Variants in PPM1B observed in about 807,000 individuals in gnomAD.
PPM1B encodes protein phosphatase, Mg2+/Mn2+ dependent 1B, also known as protein phosphatase 1B.
PPM1B carries 22 observed loss-of-function variants against 43.0 expected under a neutral mutation model. The observed-to-expected ratio is 0.51, with a 90% CI of 0.37 to 0.73. The LOEUF (loss-of-function observed/expected upper bound fraction) is 0.73. Ranked by LOEUF, PPM1B falls within the 30% of genes least tolerant of loss-of-function variation. The probability of loss-of-function intolerance (pLI) is 0.00; values close to 1 mark genes in which losing one functional copy is unlikely to be tolerated. For missense variants in PPM1B, 632 were observed against 584.2 expected (o/e 1.08, Z -0.84); for synonymous variants, 217 against 197.9 (o/e 1.10, Z -0.81).
chr2:44,197,735 G>A (rs1668730330), intron 1 of PPM1B, among the ~76,000 whole-genome samples: 1 of 152,152 alleles, frequency 6.6e-6, no homozygotes, highest in Non-Finnish European at 1.5e-5. Context: ...CCACTTAGTT[G>A]TGTTGTCTGG....
intron 1 of PPM1B, among the ~76,000 whole-genome samples, chr2:44,180,798 A>C (rs1194950844): frequency 6.6e-6 from 1 of 151,886 alleles, no homozygotes; most frequent in Non-Finnish European, 1.5e-5. Flanking sequence ...TTAAGTTAAC[A>C]CATATTTTAT....
chr2:44,220,812 G>A lies in PPM1B; in HGVS notation c.1134+2275G>A, dbSNP rs562667816. Among the ~76,000 whole-genome samples the A allele has an allele frequency of 2.6e-5, 4 of 152,336 alleles. No individual in the cohort carries two copies. In the South Asian group the frequency reaches 8.3e-4, roughly 32 times the overall value. On this transcript the variant is annotated intron_variant, in intron 5 of 5. Coordinates refer to ENST00000282412, the MANE Select transcript of PPM1B (RefSeq NM_002706.6). ...AAGCAGGGGGAAAGTCAGCTTCTTA[G>A]AGAAAAGATAGTATTTGAAGAATGA...
At chr2:44,182,200 C>T (rs1302536676) in intron 1 of PPM1B, among the ~76,000 whole-genome samples, 1 of 152,094 alleles carries the variant, frequency 6.6e-6, no homozygotes, top group African/African-American at 2.4e-5. Flanking sequence ...GAAACATTCT[C>T]TATGGACGAT....
rs751508262 is a variant in PPM1B, at chr2:44,202,054, AC to A, written c.846+10del. The A allele has an allele frequency of 2.7e-6, 4 of 1,504,524 alleles. No homozygotes were observed. The African/African-American group carries it at 5.6e-5, about 21-fold the overall frequency. 93.2% of individuals were successfully genotyped at this position (1,504,524 alleles called of 1,614,324 possible). A position where few individuals can be genotyped will look rare whatever the true frequency, so the allele number is the denominator to read the frequency against. ...ACACTTGTTTACACAAGGTATGTAA[AC>A]TTTTTTGTCATTAAAATAACATGTT... On this transcript the variant is annotated intron_variant, in intron 2 of 5. Coordinates refer to ENST00000282412, the MANE Select transcript of PPM1B (RefSeq NM_002706.6).
intron 2 of PPM1B, among the ~76,000 whole-genome samples, chr2:44,208,174 C>T (rs1260366895): frequency 6.6e-6 from 1 of 152,008 alleles, no homozygotes; most frequent in Admixed American, 6.6e-5. Context: ...AGGCGTGAGC[C>T]ACCGTGCCCA....
intron 5 of PPM1B, among the ~76,000 whole-genome samples, chr2:44,227,213 G>C (rs1337946452): frequency 6.6e-6 from 1 of 152,088 alleles, no homozygotes; most frequent in Non-Finnish European, 1.5e-5. Context: ...GGGCTCAAGT[G>C]ATCCTTTGAC....
intron 5 of PPM1B, among the ~76,000 whole-genome samples, chr2:44,224,057 T>C (rs1465138828): frequency 6.6e-6 from 1 of 152,124 alleles, no homozygotes; most frequent in Non-Finnish European, 1.5e-5. Context: ...GGAGAATTTT[T>C]AGTTTAAAAA....
chr2:44,225,121 G>A (rs1449342051), intron 5 of PPM1B, among the ~76,000 whole-genome samples: 2 of 152,102 alleles, frequency 1.3e-5, no homozygotes, highest in Non-Finnish European at 2.9e-5. Flanking sequence ...ATGATAACTG[G>A]AATCCTTACT....
chr2:44,208,701 G>A (rs957815064), intron 2 of PPM1B, among the ~76,000 whole-genome samples: 2 of 152,184 alleles, frequency 1.3e-5, no homozygotes, highest in African/African-American at 4.8e-5. Flanking sequence ...CAACAAGAGC[G>A]AAACTTTGTC....
downstream of PPM1B, among the ~76,000 whole-genome samples, chr2:44,239,179 CAAAAAA>C (rs1193340508): frequency 7.8e-5 from 7 of 89,634 alleles, no homozygotes; most frequent in South Asian, 1.2e-3. Flanking sequence ...GTCTCTAATA[CAAAAAA>C]AAAAAAAAAA....
chr2:44,211,997 G>A (rs1250391891), intron 3 of PPM1B, among the ~76,000 whole-genome samples: 2 of 152,068 alleles, frequency 1.3e-5, no homozygotes, highest in South Asian at 2.1e-4. Context: ...TGATCCGCCC[G>A]CCTTGGCCTC....
At chr2:44,229,321 T>C (rs1670366767) in intron 5 of PPM1B, among the ~76,000 whole-genome samples, 2 of 152,212 alleles carry the variant, frequency 1.3e-5, no homozygotes. Flanking sequence ...TTGTATAATA[T>C]TGAATATCAA....
At chr2:44,244,221 C>G (rs759909225) in intron 5 of PPM1B, 1 of 1,274,706 alleles carries the variant, frequency 7.8e-7, no homozygotes, top group Non-Finnish European at 1.0e-6. Flanking sequence ...TCTATCATAT[C>G]CACCAGATGG....
At chr2:44,212,918 C>T (rs1474241979) in intron 3 of PPM1B, among the ~76,000 whole-genome samples, 1 of 149,622 alleles carries the variant, frequency 6.7e-6, no homozygotes, top group Admixed American at 6.8e-5. Context: ...GAGGCTGAGG[C>T]AGGAGAATGG....
intron 2 of PPM1B, among the ~76,000 whole-genome samples, chr2:44,207,701 G>A (rs148927101): frequency 1.6e-3 from 239 of 151,550 alleles, no homozygotes; most frequent in African/African-American, 5.6e-3. Context: ...TTAGCCTCCC[G>A]AGTAGCTGGG....
rs146623821 is a variant in PPM1B, at chr2:44,220,263, C to CATATATATATAT, written c.1134+1734_1134+1745dup. Among the ~76,000 whole-genome samples the CATATATATATAT allele has an allele frequency of 3.7e-3, 551 of 146,958 alleles. 2 individuals are homozygous for CATATATATATAT. The highest frequency in any genetic ancestry group is 0.013 in the African/African-American group (530 of 40,172). ...CCCTCATGTGTAATCTTTAAAAATACATATATATATATATATATACCTTGC... is the reference window on the plus strand; with the variant it reads ...CCCTCATGTGTAATCTTTAAAAATACATATATATATATATATATATATATATATATACCTTGC... On this transcript the variant is annotated intron_variant, in intron 5 of 5. Coordinates refer to ENST00000282412, the MANE Select transcript of PPM1B (RefSeq NM_002706.6).
chr2:44,188,067 T>C (rs1471541972), intron 1 of PPM1B, among the ~76,000 whole-genome samples: 1 of 152,200 alleles, frequency 6.6e-6, no homozygotes, highest in Admixed American at 6.5e-5. Context: ...TTAAATTTTT[T>C]AATTTGATAC....
intron 1 of PPM1B, among the ~76,000 whole-genome samples, chr2:44,200,750 C>T (rs1232852366): frequency 6.6e-6 from 1 of 152,180 alleles, no homozygotes; most frequent in Non-Finnish European, 1.5e-5. Context: ...AACAAGATGA[C>T]TCACTGTTTT....
intron 5 of PPM1B, among the ~76,000 whole-genome samples, chr2:44,226,639 G>C (rs987051257): frequency 6.6e-6 from 1 of 151,712 alleles, no homozygotes; most frequent in African/African-American, 2.4e-5. Flanking sequence ...TTCCAATGTG[G>C]AGCAAGGGTT....
Sources: gnomAD v4.1 joint callset for allele counts (sites outside exome capture counted in the v4.1 genomes callset) on GRCh38, gnomAD v4.1.1 for gene constraint, MANE v1.5 for transcripts, NCBI Gene and HGNC (gene_info 2026-07-23, HGNC 2026-07-21) for gene names.